HECW1: variants seen among roughly 807,000 people sequenced by gnomAD.
The protein encoded by HECW1 is E3 ubiquitin-protein ligase HECW1.
A neutral mutation model predicts 182.3 loss-of-function variants in HECW1; 61 were observed. The observed-to-expected ratio is 0.33, with a 90% CI of 0.27 to 0.41. The LOEUF is 0.41. HECW1 is among the 10% of genes least tolerant of loss of function. The pLI is 1.00. For synonymous variants in HECW1, 859 were observed against 832.6 expected (o/e 1.03, Z -0.55); for missense variants, 1,739 against 2,108.9 (o/e 0.82, Z 3.44).
At chr7:43,172,072 G>A (rs1330948474) in intron 2 of HECW1, among the ~76,000 whole-genome samples, 1 of 147,238 alleles carries the variant, frequency 6.8e-6, no homozygotes, top group South Asian at 2.1e-4. Flanking sequence ...GAGGTCTGGC[G>A]TTCAAAACCA....
At chr7:43,404,389 C>A (rs1037558069) in intron 7 of HECW1, among the ~76,000 whole-genome samples, 1 of 152,102 alleles carries the variant, frequency 6.6e-6, no homozygotes, top group African/African-American at 2.4e-5. Flanking sequence ...CAATGCAGTT[C>A]TAATCAAAAT....
chr7:43,486,091 G>A (rs1365144005), intron 17 of HECW1, among the ~76,000 whole-genome samples: 1 of 150,716 alleles, frequency 6.6e-6, no homozygotes, highest in African/African-American at 2.4e-5. Context: ...TCCCACTTAT[G>A]AGTGAGAACA....
intron 2 of HECW1, among the ~76,000 whole-genome samples, chr7:43,173,060 G>A (rs1236704141): frequency 6.6e-6 from 1 of 152,160 alleles, no homozygotes; most frequent in African/African-American, 2.4e-5. Flanking sequence ...ACTCCTTAAA[G>A]CTAAAGTTCC....
In HECW1 at chr7:43,112,804, G is replaced by C. The variant is rs986799002; in HGVS notation, c.-400G>C. 1 of 229,220 alleles carries C rather than the reference G, an allele frequency of 4.4e-6. No homozygotes were observed. Among genetic ancestry groups the C allele is most frequent in the African/African-American group, 2.2e-5 (1 of 45,048 alleles). The allele number at this position is 229,220 out of a possible 1,614,324, so 14.2% of individuals were successfully genotyped here. ...GCACCCGGCAGCCAGAGCGCAGCGA[G>C]AGCGGGCGGTCGCCAGGGTCCCCTC... On this transcript the variant is annotated 5_prime_UTR_variant, in exon 1 of 30. Coordinates refer to ENST00000395891, the MANE Select transcript of HECW1 (RefSeq NM_015052.5).
At chr7:43,146,514 G>A (rs939502234) in intron 2 of HECW1, among the ~76,000 whole-genome samples, 1 of 152,214 alleles carries the variant, frequency 6.6e-6, no homozygotes, top group East Asian at 1.9e-4. Flanking sequence ...AGCCTTAACT[G>A]GTGAAAAGGG....
intron 2 of HECW1, among the ~76,000 whole-genome samples, chr7:43,190,901 A>T (rs1793856593): frequency 6.6e-6 from 1 of 152,196 alleles, no homozygotes; most frequent in Non-Finnish European, 1.5e-5. Context: ...ATCAAATCCC[A>T]AACTGGAGTC....
rs114333368 is a variant in HECW1, at chr7:43,391,504, G to A, written c.556-5310G>A. Among the ~76,000 whole-genome samples, 600 of 152,306 alleles carry A rather than the reference G, an allele frequency of 3.9e-3. 3 individuals carry two copies. The highest frequency in any genetic ancestry group is 0.014 in the African/African-American group (573 of 41,562). On this transcript the variant is annotated intron_variant, in intron 6 of 29. Coordinates refer to ENST00000395891, the MANE Select transcript of HECW1 (RefSeq NM_015052.5). ...TTAAACAGTTAAAATAGTGCGTATGGAAGAACTGGCTCTGTGCCACTCACC... is the reference window on the plus strand; with the variant it reads ...TTAAACAGTTAAAATAGTGCGTATGAAAGAACTGGCTCTGTGCCACTCACC...
chr7:43,198,203 C>G (rs768928528), intron 2 of HECW1, among the ~76,000 whole-genome samples: 1 of 149,948 alleles, frequency 6.7e-6, no homozygotes, highest in Non-Finnish European at 1.5e-5. Flanking sequence ...CACATTCACA[C>G]GCTCACCCTA....
At chr7:43,252,639 A>G (rs1420247544) in intron 3 of HECW1, among the ~76,000 whole-genome samples, 2 of 152,214 alleles carry the variant, frequency 1.3e-5, no homozygotes, top group Non-Finnish European at 2.9e-5. Flanking sequence ...TCATTTGATC[A>G]TTGGTTATGA....
intron 6 of HECW1, among the ~76,000 whole-genome samples, chr7:43,389,932 C>T (rs2074954702): frequency 6.6e-6 from 1 of 152,060 alleles, no homozygotes. Context: ...CCACCTGGCC[C>T]CCTCATTATT....
intron 2 of HECW1, among the ~76,000 whole-genome samples, chr7:43,179,580 T>TGTTGTTGTTGTTGTC: frequency 6.6e-6 from 1 of 152,208 alleles, no homozygotes; most frequent in Non-Finnish European, 1.5e-5. Context: ...TTGTTGTTGT[T>TGTTGTTGTTGTTGTC]GTCGTTTTTG....
intron 6 of HECW1, among the ~76,000 whole-genome samples, chr7:43,370,406 T>A (rs1322603642): frequency 6.6e-6 from 1 of 152,208 alleles, no homozygotes; most frequent in Non-Finnish European, 1.5e-5. Context: ...CTGGTGGAAA[T>A]GCAAAATGGT....
At chr7:43,371,012 C>G (rs565270200) in intron 6 of HECW1, among the ~76,000 whole-genome samples, 1 of 151,880 alleles carries the variant, frequency 6.6e-6, no homozygotes. Context: ...CTCAGCCTCC[C>G]GAGTAGCTGG....
At chr7:43,126,107 G>A (rs1330203819) in intron 2 of HECW1, among the ~76,000 whole-genome samples, 5 of 106,758 alleles carry the variant, frequency 4.7e-5, no homozygotes, top group Non-Finnish European at 8.8e-5. Flanking sequence ...ACTCACCACT[G>A]TACTGACGAG....
At chr7:43,117,178 A>C (rs1011773533) in intron 2 of HECW1, among the ~76,000 whole-genome samples, 2 of 152,220 alleles carry the variant, frequency 1.3e-5, no homozygotes, top group African/African-American at 4.8e-5. Context: ...CAAAATGTAC[A>C]AAGTGTTTAG....
intron 13 of HECW1, among the ~76,000 whole-genome samples, chr7:43,460,015 C>T (rs1313718372): frequency 6.6e-6 from 1 of 152,154 alleles, no homozygotes; most frequent in Non-Finnish European, 1.5e-5. Context: ...GTATAGTATT[C>T]CACTGAATGG....
chr7:43,252,891 C>G (rs1352733116), intron 3 of HECW1, among the ~76,000 whole-genome samples: 1 of 152,244 alleles, frequency 6.6e-6, no homozygotes, highest in Non-Finnish European at 1.5e-5. Context: ...GTTAAATACA[C>G]TGTTAACCAC....
intron 2 of HECW1, among the ~76,000 whole-genome samples, chr7:43,152,583 G>T (rs73097383): frequency 0.048 from 7,370 of 152,072 alleles, 259 homozygotes; most frequent in East Asian, 0.13. Context: ...TGTTGTTGTT[G>T]TTTTTGTTAG....
chr7:43,199,197 G>T (rs1488772919), intron 2 of HECW1, among the ~76,000 whole-genome samples: 1 of 152,190 alleles, frequency 6.6e-6, no homozygotes. Context: ...TATGATTACA[G>T]TTTGCCTGCC....
Sources: gnomAD v4.1 joint callset for allele counts (sites outside exome capture counted in the v4.1 genomes callset) on GRCh38, gnomAD v4.1.1 for gene constraint, MANE v1.5 for transcripts, NCBI Gene and HGNC (gene_info 2026-07-23, HGNC 2026-07-21) for gene names.